The following CCDC7 variants were observed in gnomAD, a reference collection of about 807,000 sequenced individuals.
The protein encoded by CCDC7 is coiled-coil domain-containing protein 7.
In CCDC7, 183 loss-of-function variants were observed where a neutral mutation model predicts 196.9. The observed-to-expected ratio is 0.93, with a 90% CI of 0.82 to 1.05. CCDC7 has a LOEUF of 1.05. Ranked by LOEUF, CCDC7 falls within the 50% of genes least tolerant of loss-of-function variation. The pLI, the probability that CCDC7 is intolerant of heterozygous loss-of-function variation, is 0.00. For missense variants in CCDC7, 1,540 were observed against 1,482.2 expected, an observed-to-expected ratio of 1.04 and a Z score of -0.64; for synonymous variants, 525 against 484.6, an observed-to-expected ratio of 1.08 and a Z score of -1.10.
chr10:32,779,783 C>G (rs1227720522), intron 29 of CCDC7, among the ~76,000 whole-genome samples: 2 of 152,132 alleles, frequency 1.3e-5, no homozygotes, highest in African/African-American at 4.8e-5. Context: ...AGAAAATAGT[C>G]ACAGATTTAT....
intron 31 of CCDC7, among the ~76,000 whole-genome samples, chr10:32,815,541 A>T (rs1252920071): frequency 6.6e-6 from 1 of 152,206 alleles, no homozygotes; most frequent in Non-Finnish European, 1.5e-5. Context: ...GGAATACCAG[A>T]AGGAGAGTCT....
At chr10:32,445,181 G>A (rs2030670336), upstream of CCDC7, among the ~76,000 whole-genome samples, 2 of 152,136 alleles carry the variant, frequency 1.3e-5, no homozygotes, top group South Asian at 4.1e-4. Flanking sequence ...AACACACCCA[G>A]AAAGAGCAGA....
chr10:32,722,223 T>G (rs1180621669), intron 25 of CCDC7, among the ~76,000 whole-genome samples: 1 of 152,152 alleles, frequency 6.6e-6, no homozygotes, highest in Admixed American at 6.6e-5. Context: ...AGCAATTTTC[T>G]TTGGGGCTTG....
rs2051657686 is a variant in CCDC7 at position 32,542,632 on chromosome 10, T to TAAA, written c.994-668_994-667insAAA. Among the ~76,000 whole-genome samples the TAAA allele has an allele frequency of 2.2e-3, 39 of 17,724 alleles. 1 individual carries two copies. The highest frequency in any genetic ancestry group is 7.6e-3 in the African/African-American group (33 of 4,346). The allele number at this position is 17,724 out of a possible 152,430, so 11.6% of individuals were successfully genotyped here. A position where few individuals can be genotyped will look rare whatever the true frequency, so the allele number is the denominator to read the frequency against. ...TGGACAACAGAGTGAGACTCCCATC[T>TAAA]CAAAAAAAAAAAAAAAAAAAAGCAG... On this transcript the variant is annotated intron_variant, in intron 11 of 41. Coordinates refer to ENST00000639629, the Ensembl canonical transcript of CCDC7.
intron 18 of CCDC7, among the ~76,000 whole-genome samples, chr10:32,594,105 A>T (rs1300211363): frequency 6.6e-6 from 1 of 152,118 alleles, no homozygotes; most frequent in African/African-American, 2.4e-5. Flanking sequence ...GGTAGCTTGA[A>T]GGGGATGGCA....
intron 20 of CCDC7, among the ~76,000 whole-genome samples, chr10:32,642,118 G>GA (rs1356405460): frequency 6.6e-6 from 1 of 152,254 alleles, no homozygotes; most frequent in Non-Finnish European, 1.5e-5. Context: ...TGAGGAGGCA[G>GA]TCTGTCCGTT....
At chr10:32,859,790 C>T (rs548472440) in intron 41 of CCDC7, among the ~76,000 whole-genome samples, 27 of 152,278 alleles carry the variant, frequency 1.8e-4, no homozygotes, top group Non-Finnish European at 2.2e-4. Context: ...AACGCCTCTA[C>T]GCAAATTAAC....
chr10:32,873,162 C>A (rs951288998), intron 41 of CCDC7, among the ~76,000 whole-genome samples: 9 of 152,164 alleles, frequency 5.9e-5, no homozygotes, highest in Non-Finnish European at 1.2e-4. Flanking sequence ...CTCCCTGTCA[C>A]TTTCAGGTAC....
intron 28 of CCDC7, among the ~76,000 whole-genome samples, chr10:32,762,286 A>C (rs577940806): frequency 6.6e-6 from 1 of 151,964 alleles, no homozygotes; most frequent in East Asian, 1.9e-4. Flanking sequence ...GTTTTGAATG[A>C]GTGTGCGAGC....
intron 28 of CCDC7, among the ~76,000 whole-genome samples, chr10:32,757,209 C>A (rs1007531690): frequency 2.0e-5 from 3 of 152,110 alleles, no homozygotes; most frequent in Non-Finnish European, 4.4e-5. Flanking sequence ...AGAAAGTTGA[C>A]AAGGATATCC....
chr10:32,845,792 C>CAT, intron 35 of CCDC7, 84 bp from the exon 37 acceptor site: 12 of 1,142,066 alleles, frequency 1.1e-5, no homozygotes, highest in Non-Finnish European at 1.4e-5. Flanking sequence ...CACACACACA[C>CAT]ACATACACAC....
chr10:32,749,510 G>A (rs1014849105), intron 28 of CCDC7, among the ~76,000 whole-genome samples: 5 of 152,146 alleles, frequency 3.3e-5, no homozygotes, highest in Middle Eastern at 3.4e-3. Context: ...AGATTTTCAC[G>A]TATACACTGA....
intron 28 of CCDC7, among the ~76,000 whole-genome samples, chr10:32,742,848 C>T (rs1264155747): frequency 1.3e-5 from 2 of 152,152 alleles, no homozygotes; most frequent in Non-Finnish European, 2.9e-5. Flanking sequence ...TTAATTATCT[C>T]CGTGAGGGCA....
intron 21 of CCDC7, among the ~76,000 whole-genome samples, chr10:32,678,957 A>G (rs1055797053): frequency 1.3e-5 from 2 of 152,094 alleles, no homozygotes; most frequent in African/African-American, 4.8e-5. Flanking sequence ...TGGGCCTCCT[A>G]TTCCATGATC....
Position 32,814,465 on chromosome 10 carries a change from A to T in CCDC7, c.3181+12A>T. 1 of 1,559,484 alleles carries T rather than the reference A, an allele frequency of 6.4e-7. No homozygotes were observed. The highest frequency in any genetic ancestry group is 8.8e-7 in the Non-Finnish European group (1 of 1,132,312). On this transcript the variant is annotated intron_variant, in intron 31 of 41. Coordinates refer to ENST00000639629, the Ensembl canonical transcript of CCDC7. ...AAAGAGTCTCCCTGGTAAGAACAAA[A>T]ACTTTACACATTTAGTATTTCTGGT... is the stretch of plus-strand genomic sequence containing the variant.
At chr10:32,845,782 CACACACACACACAT>C in intron 35 of CCDC7, 80 bp from the exon 37 acceptor site, 3 of 1,082,478 alleles carry the variant, frequency 2.8e-6, no homozygotes, top group South Asian at 1.4e-5. Context: ...CACACACACA[CACACACACACACAT>C]ACACACACAC....
Position 32,520,189 on chromosome 10 carries a change from A to C in CCDC7, c.993+1684A>C, listed in dbSNP as rs542398889. Among the ~76,000 whole-genome samples the C allele has an allele frequency of 2.0e-5, 3 of 152,236 alleles. No homozygotes were observed. In the East Asian group the frequency reaches 5.8e-4, roughly 29 times the overall value. ...ACCTGCAACTAACATGGGAGTGCAG[A>C]TGTCTCTTTGATATTCTGATTTCCT... is the stretch of plus-strand genomic sequence containing the variant. On this transcript the variant is annotated intron_variant, in intron 11 of 41. Transcript: ENST00000639629.
chr10:32,821,923 C>T lies in CCDC7; in HGVS notation c.3182-2595C>T, dbSNP rs1323127954. Among the ~76,000 whole-genome samples the T allele has an allele frequency of 4.6e-5, 7 of 151,606 alleles. No individual in the cohort carries two copies. In the East Asian group the frequency reaches 1.4e-3, roughly 29 times the overall value. On this transcript the variant is annotated intron_variant, in intron 31 of 41. Coordinates refer to ENST00000639629, the Ensembl canonical transcript of CCDC7. ...CATGTATACATATGTAACAAACCTG[C>T]ACGTTGTGCACATGTACCCTAAAAC...
At chr10:32,492,092 A>G in intron 9 of CCDC7, 95 bp downstream of exon 10, 2 of 1,256,754 alleles carry the variant, frequency 1.6e-6, no homozygotes, top group South Asian at 4.4e-5. Flanking sequence ...TTCATTGAAA[A>G]AAGTTAGTAC....
Sources: gnomAD v4.1 joint callset for allele counts (sites outside exome capture counted in the v4.1 genomes callset) on GRCh38, gnomAD v4.1.1 for gene constraint, MANE v1.5 for transcripts, NCBI Gene and HGNC (gene_info 2026-07-23, HGNC 2026-07-21) for gene names.